Variants in HMG20A observed in about 807,000 individuals in gnomAD.
HMG20A encodes the protein high mobility group protein 20A.
HMG20A carries 17 observed loss-of-function variants against 43.9 expected under a neutral mutation model. The ratio of observed to expected loss-of-function variants is 0.39; its 90% CI spans 0.27 to 0.58. The LOEUF is 0.58. Among genes scored for constraint, HMG20A ranks in the 20% least tolerant of loss-of-function variants. HMG20A has a pLI of 0.59. For synonymous variants in HMG20A, 132 were observed against 147.5 expected (o/e 0.89, Z 0.76); for missense variants, 341 against 438.2 (o/e 0.78, Z 1.98).
intron 1 of HMG20A, among the ~76,000 whole-genome samples, chr15:77,431,338 A>G (rs2073482781): frequency 1.3e-5 from 2 of 152,000 alleles, no homozygotes; most frequent in Admixed American, 6.6e-5. Context: ...CAGCCTTCCA[A>G]GTAGCTGGGA....
At chr15:77,499,006 C>G in the HMG20A span, among the ~76,000 whole-genome samples, 1 of 152,202 alleles carries the variant, frequency 6.6e-6, no homozygotes, top group African/African-American at 2.4e-5. Context: ...TCCCCACTTA[C>G]TTATTCTCAG....
chr15:77,451,545 A>G (rs1316404187), intron 1 of HMG20A, among the ~76,000 whole-genome samples: 2 of 152,138 alleles, frequency 1.3e-5, no homozygotes, highest in African/African-American at 2.4e-5. Context: ...CACAAATTCA[A>G]TCAGTTTGGG....
At position 77,484,153 on chromosome 15, in the gene HMG20A, C is replaced by G. The variant is rs902108686; in HGVS notation, c.*1190C>G. 6.6e-6 allele frequency: 1 copy of G among 152,180 alleles called. No individual in the cohort carries two copies. The highest frequency in any genetic ancestry group is 1.5e-5 in the Non-Finnish European group (1 of 68,110). The allele number at this position is 152,180 out of a possible 1,614,324, so 9.4% of individuals were successfully genotyped here. Reference sequence around the variant, plus strand: ...GTTTTGTTTTGTTTACAGATGAGGTCTTCCTGTGTTGCCCAGGCTGGAGTG... The same window carrying G: ...GTTTTGTTTTGTTTACAGATGAGGTGTTCCTGTGTTGCCCAGGCTGGAGTG... On this transcript the variant is annotated 3_prime_UTR_variant, in exon 10 of 10. Transcript: ENST00000336216.
chr15:77,498,708 C>T, the HMG20A span, among the ~76,000 whole-genome samples: 2 of 152,202 alleles, frequency 1.3e-5, no homozygotes. Context: ...TAATCTGCCC[C>T]ATGTATCTCA....
chr15:77,467,159 A>G lies in HMG20A; in HGVS notation c.302A>G (p.Asn101Ser), dbSNP rs202021605. 5.3e-5 allele frequency: 86 copies of G among 1,614,010 alleles called. No homozygotes were observed. The highest frequency in any genetic ancestry group is 8.3e-5 in the Admixed American group (5 of 59,988). The stretch of plus-strand genomic sequence containing the variant: ...AGGAAGAAACCTCTTCGAGACAGCA[A>G]TGCACCCAAATCCCCCCTTACAGGA... Reference protein sequence around the residue: ...RKRKKPLRDSNAPKSPLTGYV... With the variant: ...RKRKKPLRDSSAPKSPLTGYV... The change falls in exon 4 of 10, where the codon AAT becomes AGT. Residue 101 changes from asparagine (N) to serine (S), a missense_variant. Physicochemically the swap from Asn to Ser is conservative, Grantham distance 46. This residue lies in a region of HMG20A where 220 missense variants were observed against 263.6 expected (regional missense o/e 0.83). Transcript: ENST00000336216.
At chr15:77,496,149 T>A in the HMG20A span, among the ~76,000 whole-genome samples, 2 of 152,162 alleles carry the variant, frequency 1.3e-5, no homozygotes, top group African/African-American at 4.8e-5. Flanking sequence ...GCCTCCCTAC[T>A]CTTCCCAAAT....
chr15:77,476,620 T>G (rs2072859507), intron 6 of HMG20A, among the ~76,000 whole-genome samples: 1 of 151,936 alleles, frequency 6.6e-6, no homozygotes, highest in African/African-American at 2.4e-5. Context: ...GTTATAAAGG[T>G]CCTGGGATCT....
At chr15:77,503,580 G>C in the HMG20A span, among the ~76,000 whole-genome samples, 1 of 152,134 alleles carries the variant, frequency 6.6e-6, no homozygotes, top group South Asian at 2.1e-4. Context: ...CCACCCTAGG[G>C]GAGAGGCATT....
At chr15:77,492,743 C>T in the HMG20A span, among the ~76,000 whole-genome samples, 33 of 152,038 alleles carry the variant, frequency 2.2e-4, no homozygotes, top group Middle Eastern at 3.4e-3. Flanking sequence ...CCCGGGAAGT[C>T]GTGGCTGCAG....
chr15:77,434,054 T>C (rs1329672039), intron 1 of HMG20A, among the ~76,000 whole-genome samples: 5 of 152,166 alleles, frequency 3.3e-5, no homozygotes, highest in South Asian at 4.1e-4. Flanking sequence ...TGGAACATAA[T>C]TGAGAGCCCA....
chr15:77,464,106 G>A (rs2072732672), intron 2 of HMG20A, 134 bp from the exon 3 acceptor site: 1 of 994,270 alleles, frequency 1.0e-6, no homozygotes, highest in Non-Finnish European at 1.5e-6. Flanking sequence ...TGAATACGTT[G>A]TTTACATTTA....
intron 1 of HMG20A, among the ~76,000 whole-genome samples, chr15:77,432,858 C>G (rs914473378): frequency 6.0e-4 from 91 of 150,694 alleles, no homozygotes; most frequent in African/African-American, 1.4e-3. Flanking sequence ...CATAAATTAC[C>G]AGTATCAGGA....
chr15:77,435,477 A>T (rs2073536229), intron 1 of HMG20A, among the ~76,000 whole-genome samples: 1 of 152,026 alleles, frequency 6.6e-6, no homozygotes, highest in Non-Finnish European at 1.5e-5. Flanking sequence ...TTTTTTAAGT[A>T]GAGATGGGGT....
chr15:77,465,367 A>G (rs1035023589), intron 3 of HMG20A, among the ~76,000 whole-genome samples: 38 of 150,840 alleles, frequency 2.5e-4, no homozygotes, highest in African/African-American at 8.7e-4. Flanking sequence ...AGTTTCTTAA[A>G]TACCTTGAAA....
chr15:77,498,889 C>T, the HMG20A span, among the ~76,000 whole-genome samples: 2 of 152,162 alleles, frequency 1.3e-5, no homozygotes, highest in Non-Finnish European at 2.9e-5. Flanking sequence ...CTATAAAATC[C>T]ACTAATCAGT....
intron 1 of HMG20A, among the ~76,000 whole-genome samples, chr15:77,426,681 T>C (rs765736623): frequency 2.6e-5 from 4 of 152,206 alleles, no homozygotes; most frequent in Admixed American, 2.0e-4. Flanking sequence ...TCCTGAAATA[T>C]ACACTAAAGG....
chr15:77,448,293 G>A (rs1157016378), intron 1 of HMG20A, among the ~76,000 whole-genome samples: 2 of 152,040 alleles, frequency 1.3e-5, no homozygotes, highest in Admixed American at 6.6e-5. Context: ...CAGTAGCCCC[G>A]GTTAGCTTTC....
chr15:77,438,157 T>TG, intron 1 of HMG20A, among the ~76,000 whole-genome samples: 1 of 148,174 alleles, frequency 6.7e-6, no homozygotes, highest in Non-Finnish European at 1.5e-5. Context: ...TTTTTTTTTT[T>TG]TTTTAGAGAC....
chr15:77,427,559 A>T (rs957825068), intron 1 of HMG20A, among the ~76,000 whole-genome samples: 2 of 152,212 alleles, frequency 1.3e-5, no homozygotes, highest in Admixed American at 6.5e-5. Context: ...CTCTTTGCTT[A>T]TAATCTGATA....
Sources: gnomAD v4.1 joint callset for allele counts (sites outside exome capture counted in the v4.1 genomes callset) on GRCh38, gnomAD v4.1.1 for gene constraint, gnomAD v4.1.1 regional missense constraint, MANE v1.5 for transcripts, NCBI Gene and HGNC (gene_info 2026-07-23, HGNC 2026-07-21) for gene names.